The following MAN2A1 variants were observed in gnomAD, a reference collection of about 807,000 sequenced individuals.
MAN2A1 encodes the protein mannosidase alpha class 2A member 1, also known as alpha-mannosidase 2.
In MAN2A1, 76 loss-of-function variants were observed where a neutral mutation model predicts 142.6. That is an observed-to-expected ratio of 0.53 (90% confidence interval 0.44 to 0.65). The LOEUF is 0.65. MAN2A1 is among the 30% of genes least tolerant of loss of function. The probability of loss-of-function intolerance (pLI) is 0.00; values close to 1 mark genes in which losing one functional copy is unlikely to be tolerated. For synonymous variants in MAN2A1, 559 were observed against 473.2 expected (o/e 1.18, Z -2.35); for missense variants, 1,311 against 1,365.1 (o/e 0.96, Z 0.62).
At chr5:109,700,141 T>C (rs1044758184) in intron 1 of MAN2A1, among the ~76,000 whole-genome samples, 19 of 152,186 alleles carry the variant, frequency 1.2e-4, no homozygotes, top group Non-Finnish European at 2.9e-5. Context: ...CTTTCCCTTT[T>C]TGTTAGCGTC....
chr5:109,701,528 G>A (rs893942907), intron 1 of MAN2A1, among the ~76,000 whole-genome samples: 5 of 152,174 alleles, frequency 3.3e-5, no homozygotes, highest in African/African-American at 4.8e-5. Context: ...GAGAAAAGCA[G>A]TGTGAGAGAA....
At chr5:109,864,927 G>A (rs1441543903) in intron 20 of MAN2A1, 109 bp from the exon 21 acceptor site, 3 of 768,226 alleles carry the variant, frequency 3.9e-6, no homozygotes, top group African/African-American at 1.7e-5. Context: ...TAACTTTCTT[G>A]CTAAATAAAT....
intron 1 of MAN2A1, among the ~76,000 whole-genome samples, chr5:109,706,455 G>C (rs1313656326): frequency 6.6e-6 from 1 of 152,164 alleles, no homozygotes; most frequent in Admixed American, 6.6e-5. Flanking sequence ...CCAAGCAATG[G>C]ATATTAGTAT....
At chr5:109,820,698 A>G (rs1046455833) in intron 15 of MAN2A1, among the ~76,000 whole-genome samples, 3 of 152,168 alleles carry the variant, frequency 2.0e-5, no homozygotes, top group Admixed American at 6.5e-5. Context: ...CCAGTTACTC[A>G]GGAAGGCTGA....
At chr5:109,850,481 A>C (rs1004923571) in intron 19 of MAN2A1, among the ~76,000 whole-genome samples, 3 of 152,220 alleles carry the variant, frequency 2.0e-5, no homozygotes, top group Admixed American at 2.0e-4. Context: ...AGAAAAAAGA[A>C]TTAGTATCCA....
chr5:109,782,590 T>A (rs934503986), intron 9 of MAN2A1, among the ~76,000 whole-genome samples: 28 of 152,194 alleles, frequency 1.8e-4, no homozygotes, highest in African/African-American at 6.0e-4. Context: ...CCGTCTTTTA[T>A]ATACTAGTGG....
At chr5:109,730,138 T>A (rs1264962033) in intron 4 of MAN2A1, among the ~76,000 whole-genome samples, 1 of 152,188 alleles carries the variant, frequency 6.6e-6, no homozygotes, top group African/African-American at 2.4e-5. Context: ...ATCTTCCATA[T>A]AGAAAGTATC....
chr5:109,799,965 G>C (rs895294312), intron 12 of MAN2A1, among the ~76,000 whole-genome samples: 3 of 151,808 alleles, frequency 2.0e-5, no homozygotes, highest in Non-Finnish European at 4.4e-5. Context: ...GCATGCACCT[G>C]TAATCCCTGC....
At chr5:109,806,308 T>G (rs1476333849) in intron 12 of MAN2A1, among the ~76,000 whole-genome samples, 4 of 152,194 alleles carry the variant, frequency 2.6e-5, no homozygotes, top group African/African-American at 9.6e-5. Context: ...TATGGCTACA[T>G]AACCATGAGT....
chr5:109,833,218 C>T (rs1172080555), intron 16 of MAN2A1, among the ~76,000 whole-genome samples: 1 of 150,872 alleles, frequency 6.6e-6, no homozygotes, highest in Non-Finnish European at 1.5e-5. Context: ...TCCTCACATC[C>T]CAGACGATGG....
At chr5:109,795,614 A>T (rs758610633) in intron 12 of MAN2A1, among the ~76,000 whole-genome samples, 22 of 152,188 alleles carry the variant, frequency 1.4e-4, no homozygotes, top group Non-Finnish European at 2.4e-4. Context: ...TTACTTGCTG[A>T]TTAATGATAA....
At chr5:109,795,710 A>G (rs973733289) in intron 12 of MAN2A1, among the ~76,000 whole-genome samples, 1 of 152,204 alleles carries the variant, frequency 6.6e-6, no homozygotes, top group Non-Finnish European at 1.5e-5. Context: ...TCTACCCCCA[A>G]GGCTTTCAAA....
At position 109,741,248 on chromosome 5, in the gene MAN2A1, T is replaced by C. The variant is rs559918330; in HGVS notation, c.707+11735T>C. 1.6e-4 allele frequency among the ~76,000 whole-genome samples: 25 copies of C among 152,326 alleles called. 1 individual carries two copies. In the South Asian group the frequency reaches 3.9e-3, roughly 24 times the overall value. The stretch of plus-strand genomic sequence containing the variant: ...ATGAATTCTGTTTCTGGTCAAGATT[T>C]GCTAAAGTTCTCTCTCTTCTAGCTG... On this transcript the variant is annotated intron_variant, in intron 4 of 21. Transcript: ENST00000261483.
chr5:109,725,665 CAG>C (rs1316564943), intron 3 of MAN2A1, among the ~76,000 whole-genome samples: 2 of 152,162 alleles, frequency 1.3e-5, no homozygotes, highest in East Asian at 1.9e-4. Context: ...GGCTCAGGGC[CAG>C]GTAACTCTTG....
At chr5:109,769,670 A>G (rs905633412) in intron 6 of MAN2A1, among the ~76,000 whole-genome samples, 7 of 152,172 alleles carry the variant, frequency 4.6e-5, no homozygotes, top group Non-Finnish European at 7.3e-5. Context: ...CTCATTTTCC[A>G]TATCTTATTC....
In MAN2A1 at chr5:109,842,432, A is replaced by C; in HGVS notation, c.2671A>C (p.Arg891=). ...TTCTTCTGATATAAAAAGCCAAAATAGATTTTATACTGACCTAAATGGGTA... is the reference window on the plus strand; with the variant it reads ...TTCTTCTGATATAAAAAGCCAAAATCGATTTTATACTGACCTAAATGGGTA... ...KISSDIKSQN[R]FYTDLNGYQI... is the part of the protein sequence containing the mutation. Residue 891 remains arginine, a synonymous_variant, in exon 17 of 22, where the codon AGA becomes CGA. Coordinates refer to ENST00000261483, the MANE Select transcript of MAN2A1 (RefSeq NM_002372.4). 6.3e-7 allele frequency: 1 copy of C among 1,581,388 alleles called. No homozygotes were observed. The highest frequency in any genetic ancestry group is 8.7e-7 in the Non-Finnish European group (1 of 1,152,604).
intron 4 of MAN2A1, among the ~76,000 whole-genome samples, chr5:109,747,231 G>A (rs1054025764): frequency 6.6e-6 from 1 of 151,926 alleles, no homozygotes; most frequent in African/African-American, 2.4e-5. Context: ...TCATTTAGGT[G>A]TATTTTTTTG....
chr5:109,729,882 C>G (rs1751855018), intron 4 of MAN2A1, among the ~76,000 whole-genome samples: 1 of 151,994 alleles, frequency 6.6e-6, no homozygotes, highest in South Asian at 2.1e-4. Flanking sequence ...ATTCCAACTA[C>G]TCAGGAGGCT....
intron 12 of MAN2A1, among the ~76,000 whole-genome samples, chr5:109,812,393 A>G (rs1754343628): frequency 6.6e-6 from 1 of 152,140 alleles, no homozygotes; most frequent in Non-Finnish European, 1.5e-5. Flanking sequence ...TTTCCTGTCA[A>G]TATGGTAAGC....
Sources: allele counts gnomAD v4.1 joint callset (sites outside exome capture counted in the v4.1 genomes callset), GRCh38; gene constraint gnomAD v4.1.1; transcripts MANE v1.5; gene names NCBI Gene and HGNC (gene_info 2026-07-23, HGNC 2026-07-21).